NYAP1: variants seen among roughly 807,000 people sequenced by gnomAD.
The protein encoded by NYAP1 is neuronal tyrosine-phosphorylated phosphoinositide-3-kinase adapter 1.
In NYAP1, 20 loss-of-function variants were observed where a neutral mutation model predicts 58.6. The observed-to-expected ratio is 0.34, with a 90% confidence interval of 0.24 to 0.50. The LOEUF (loss-of-function observed/expected upper bound fraction) is 0.50. Ranked by LOEUF, NYAP1 falls within the 20% of genes least tolerant of loss-of-function variation. NYAP1 has a pLI of 0.98. For synonymous variants in NYAP1, 572 were observed against 523.1 expected (o/e 1.09, Z -1.27); for missense variants, 1,150 against 1,194.5 (o/e 0.96, Z 0.55).
At position 100,488,707 on chromosome 7, in the gene NYAP1, A is replaced by C. The variant is rs1584359458; in HGVS notation, c.986A>C (p.Asn329Thr). The change falls in exon 4 of 7, where the codon AAC becomes ACC. Residue 329 changes from asparagine to threonine, a missense_variant. By Grantham distance (65) the Asn-to-Thr change is moderately conservative. Transcript: ENST00000300179. The surrounding 1 kb of genome is among the most constrained non-coding windows in gnomAD (Gnocchi z 5.9). ...TGTGAAATCCCCCCGCCCTTCCCCA[A>C]CCTCCTTCAGCACCGGCCTCCACTC... is the stretch of plus-strand genomic sequence containing the variant. ...TPCEIPPPFP[N>T]LLQHRPPLLA... 5 of 1,601,566 alleles carry C rather than the reference A, an allele frequency of 3.1e-6. No homozygotes were observed. The highest frequency in any genetic ancestry group is 4.3e-6 in the Non-Finnish European group (5 of 1,175,750).
chr7:100,489,590 C>T lies in NYAP1; in HGVS notation c.1869C>T (p.Gly623=), dbSNP rs200996638. ...GTPEEEEEEV[G]AATFGAGWAL... ...CAGAGGAGGAAGAAGAGGAGGTGGG[C>T]GCCGCGACATTTGGGGCAGGCTGGG... Residue 623 remains glycine (G), a synonymous_variant, in exon 4 of 7, where the codon GGC becomes GGT. Coordinates refer to ENST00000300179, the MANE Select transcript of NYAP1 (RefSeq NM_173564.4). The T allele has an allele frequency of 1.8e-4, 283 of 1,612,554 alleles. 2 individuals are homozygous for T. The East Asian group carries it at 5.8e-3, about 33-fold the overall frequency.
intron 6 of NYAP1, among the ~76,000 whole-genome samples, chr7:100,492,254 G>C (rs1278749246): frequency 6.6e-6 from 1 of 151,558 alleles, no homozygotes; most frequent in Non-Finnish European, 1.5e-5. Flanking sequence ...AAAAAAAAGG[G>C]GCCAGGCAGA....
chr7:100,484,271 G>C (rs1231716346), intron 1 of NYAP1, among the ~76,000 whole-genome samples: 2 of 152,102 alleles, frequency 1.3e-5, no homozygotes, highest in Non-Finnish European at 2.9e-5. Context: ...TGTGGGTTTG[G>C]GGGAAGGAAA....
At position 100,487,190 on chromosome 7, in the gene NYAP1, A is replaced by G; in HGVS notation, c.430+8A>G. 4 of 1,475,410 alleles carry G rather than the reference A, an allele frequency of 2.7e-6. No individual in the cohort carries two copies. The highest frequency in any genetic ancestry group is 3.6e-6 in the Non-Finnish European group (4 of 1,114,124). The allele number at this position is 1,475,410 out of a possible 1,614,324, so 91.4% of individuals were successfully genotyped here. ...CCCCCAGCAAGAAAGCAGGTGAGAT[A>G]CCCCCTATCTCTCCCTGGGGTGGAG... On this transcript the variant is annotated splice_region_variant and intron_variant, in intron 3 of 6. Transcript: ENST00000300179. The surrounding 1 kb of genome is among the most constrained non-coding windows in gnomAD (Gnocchi z 4.1).
chr7:100,489,936 G>A (rs1799772211), intron 4 of NYAP1, among the ~76,000 whole-genome samples: 1 of 152,042 alleles, frequency 6.6e-6, no homozygotes, highest in African/African-American at 2.4e-5. Context: ...TCCCTTCCCG[G>A]GGCTGCAGGG....
At position 100,488,117 on chromosome 7, in the gene NYAP1, G is replaced by A; in HGVS notation, c.431-35G>A. ...CTCCCACTTGCTCCCCTCATTAAAA[G>A]CCTGGTTTATTTTTCTCTTTCTTGT... On this transcript the variant is annotated intron_variant, in intron 3 of 6. Coordinates refer to ENST00000300179, the MANE Select transcript of NYAP1 (RefSeq NM_173564.4). This position sits in a 1 kb window ranked among gnomAD's most constrained non-coding sequence, Gnocchi z 5.9. 1 of 1,506,632 alleles carries A rather than the reference G, an allele frequency of 6.6e-7. No individual in the cohort carries two copies. Among genetic ancestry groups the A allele is most frequent in the Non-Finnish European group, 8.9e-7 (1 of 1,121,750 alleles). 93.3% of individuals were successfully genotyped at this position (1,506,632 alleles called of 1,614,324 possible).
chr7:100,489,772 G>A, intron 4 of NYAP1, 106 bp downstream of exon 4: 1 of 937,614 alleles, frequency 1.1e-6, no homozygotes, highest in Non-Finnish European at 1.5e-6. Flanking sequence ...GGAAGTCACA[G>A]CCTTGAGTCT....
At chr7:100,484,699 C>G (rs566396464) in intron 1 of NYAP1, among the ~76,000 whole-genome samples, 1 of 152,050 alleles carries the variant, frequency 6.6e-6, no homozygotes, top group East Asian at 1.9e-4. Flanking sequence ...GTGCAATGTA[C>G]GCAAGTAGGC....
rs143758472 is a variant in NYAP1, at chr7:100,488,287, G to A, written c.566G>A (p.Gly189Glu). ...CCCCCAGGCCCCTCTCCTCGAGGGG[G>A]GAACCTGCCTCTTCAGCGCCTCACT... The part of the protein sequence containing the change: ...SCPPGPSPRG[G>E]NLPLQRLTRG... The change falls in exon 4 of 7, where the codon GGG becomes GAG. Residue 189 changes from glycine to glutamate, a missense_variant. Coordinates refer to ENST00000300179, the MANE Select transcript of NYAP1 (RefSeq NM_173564.4). The surrounding 1 kb of genome is among the most constrained non-coding windows in gnomAD (Gnocchi z 5.9). The A allele has an allele frequency of 6.2e-7, 1 of 1,613,732 alleles. No homozygotes were observed. Among genetic ancestry groups the A allele is most frequent in the Middle Eastern group, 1.7e-4 (1 of 6,052 alleles).
chr7:100,485,214 A>ACCCCC lies in NYAP1; in HGVS notation c.-84-10_-84-9insCCCCC. 2.3e-6 allele frequency: 1 copy of ACCCCC among 441,416 alleles called. No individual in the cohort carries two copies. The highest frequency in any genetic ancestry group is 4.4e-5 in the Admixed American group (1 of 22,942). 27.3% of individuals were successfully genotyped at this position (441,416 alleles called of 1,614,324 possible). On this transcript the variant is annotated splice_polypyrimidine_tract_variant and intron_variant, in intron 1 of 6. Coordinates refer to ENST00000300179, the MANE Select transcript of NYAP1 (RefSeq NM_173564.4). This position sits in a 1 kb window ranked among gnomAD's most constrained non-coding sequence, Gnocchi z 5.7. ...CTTTCTTTTTTTTCCGTTCTCACCC[A>ACCCCC]CCCCGCCCGCCAGTGGATCCGGGAC...
chr7:100,488,964 T>G lies in NYAP1; in HGVS notation c.1243T>G (p.Ser415Ala), dbSNP rs1171198618. 1 of 1,575,452 alleles carries G rather than the reference T, an allele frequency of 6.3e-7. No homozygotes were observed. The highest frequency in any genetic ancestry group is 8.6e-7 in the Non-Finnish European group (1 of 1,167,994). The change falls in exon 4 of 7, where the codon TCT (serine) becomes GCT (alanine). Residue 415 changes from serine (S) to alanine (A), a missense_variant. Coordinates refer to ENST00000300179, the MANE Select transcript of NYAP1 (RefSeq NM_173564.4). This position sits in a 1 kb window ranked among gnomAD's most constrained non-coding sequence, Gnocchi z 5.9. ...SHSTPLPPQGSGQPRGERELP... is the reference protein window; with the variant it reads ...SHSTPLPPQGAGQPRGERELP... ...CTCGACACCGTTGCCACCCCAGGGC[T>G]CTGGCCAGCCCCGGGGGGAGCGGGA... is the stretch of plus-strand genomic sequence containing the variant.
At position 100,488,696 on chromosome 7, in the gene NYAP1, G is replaced by A. The variant is rs771611386; in HGVS notation, c.975G>A (p.Pro325=). Residue 325 remains proline, a synonymous_variant, in exon 4 of 7, where the codon CCG becomes CCA. Transcript: ENST00000300179. This position sits in a 1 kb window ranked among gnomAD's most constrained non-coding sequence, Gnocchi z 5.9. Reference sequence around the variant, plus strand: ...AGACCACTCCTTGTGAAATCCCCCCGCCCTTCCCCAACCTCCTTCAGCACC... The same window carrying A: ...AGACCACTCCTTGTGAAATCCCCCCACCCTTCCCCAACCTCCTTCAGCACC... ...PTKTTPCEIP[P]PFPNLLQHRP... 1.3e-5 allele frequency: 21 copies of A among 1,603,974 alleles called. No individual in the cohort carries two copies. The highest frequency in any genetic ancestry group is 7.7e-5 in the South Asian group (7 of 90,744).
rs769423238 is a variant in NYAP1, at chr7:100,489,429, G to C, written c.1708G>C (p.Gly570Arg). 3 of 1,611,874 alleles carry C rather than the reference G, an allele frequency of 1.9e-6. No individual in the cohort carries two copies. Among genetic ancestry groups the C allele is most frequent in the East Asian group, 2.2e-5 (1 of 44,852 alleles). The change falls in exon 4 of 7, where the codon GGG becomes CGG. Residue 570 changes from glycine to arginine, a missense_variant. Coordinates refer to ENST00000300179, the MANE Select transcript of NYAP1 (RefSeq NM_173564.4). ...CCCTGCCTATGAGAGCCTCAAGGCT[G>C]GGGGGGTGCTGAATAAGGGCTGTGG... ...RPPAYESLKA[G>R]GVLNKGCGVG...
rs993632742 is a variant in NYAP1 at position 100,489,307 on chromosome 7, G to T, written c.1586G>T (p.Gly529Val). 1 of 1,601,814 alleles carries T rather than the reference G, an allele frequency of 6.2e-7. No individual in the cohort carries two copies. Among genetic ancestry groups the T allele is most frequent in the Admixed American group, 1.7e-5 (1 of 58,500 alleles). ...GAAAGVLHHR[G>V]CLASPHSLPD... ...GCAGCTGGGGTCCTCCACCACCGCG[G>T]CTGCCTGGCCTCCCCCCACAGCCTT... Residue 529 changes from glycine to valine, a missense_variant, in exon 4 of 7, where the codon GGC becomes GTC. Physicochemically the swap from Gly to Val is moderately radical, Grantham distance 109. Coordinates refer to ENST00000300179, the MANE Select transcript of NYAP1 (RefSeq NM_173564.4).
chr7:100,488,215 G>A lies in NYAP1; in HGVS notation c.494G>A (p.Arg165Lys), dbSNP rs757054581. 1 of 1,613,320 alleles carries A rather than the reference G, an allele frequency of 6.2e-7. No homozygotes were observed. The highest frequency in any genetic ancestry group is 8.5e-7 in the Non-Finnish European group (1 of 1,179,732). ...CGGAAGGTTCCTCCGCAGAAGCCCA[G>A]GCGAAGCCCTAACACCCAGCTCTCT... ...SSRKVPPQKP[R>K]RSPNTQLSVS... The change falls in exon 4 of 7, where the codon AGG becomes AAG. Residue 165 changes from arginine (R) to lysine (K), a missense_variant. Coordinates refer to ENST00000300179, the MANE Select transcript of NYAP1 (RefSeq NM_173564.4). The surrounding 1 kb of genome is among the most constrained non-coding windows in gnomAD (Gnocchi z 5.9).
rs963940781 is a variant in NYAP1, at chr7:100,486,276, A to C, written c.69-545A>C. The stretch of plus-strand genomic sequence containing the variant: ...GGGGGTGAGCCGGGGAGGCTGACAG[A>C]GAGAGAACAGCACCAGGGGAGAGGG... On this transcript the variant is annotated intron_variant, in intron 2 of 6. Coordinates refer to ENST00000300179, the MANE Select transcript of NYAP1 (RefSeq NM_173564.4). The surrounding 1 kb of genome is among the most constrained non-coding windows in gnomAD (Gnocchi z 6.2). Among the ~76,000 whole-genome samples, 1 of 151,758 alleles carries C rather than the reference A, an allele frequency of 6.6e-6. No individual in the cohort carries two copies. The highest frequency in any genetic ancestry group is 1.5e-5 in the Non-Finnish European group (1 of 67,978).
intron 6 of NYAP1, among the ~76,000 whole-genome samples, chr7:100,492,674 G>A (rs1799811689): frequency 6.6e-6 from 1 of 152,084 alleles, no homozygotes; most frequent in Non-Finnish European, 1.5e-5. Flanking sequence ...CGAGCCAAGA[G>A]AAGTGGTTGA....
At position 100,488,156 on chromosome 7, in the gene NYAP1, A is replaced by C. The variant is rs765841984; in HGVS notation, c.435A>C (p.Ser145=). The part of the protein sequence containing the change: ...AETPPSKKAG[S]QKPTPEGRES... Reference sequence around the variant, plus strand: ...TCTCTTTCTTGTCCTGTCCAGGCTCACAGAAGCCAACCCCAGAGGGCCGAG... The same window carrying C: ...TCTCTTTCTTGTCCTGTCCAGGCTCCCAGAAGCCAACCCCAGAGGGCCGAG... The change falls in exon 4 of 7, where the codon TCA becomes TCC. Residue 145 remains serine (S), a synonymous_variant. Transcript: ENST00000300179. The surrounding 1 kb of genome is among the most constrained non-coding windows in gnomAD (Gnocchi z 5.9). 1.1e-5 allele frequency: 17 copies of C among 1,586,766 alleles called. No homozygotes were observed. Among genetic ancestry groups the C allele is most frequent in the Non-Finnish European group, 1.5e-5 (17 of 1,169,716 alleles).
At position 100,490,931 on chromosome 7, in the gene NYAP1, A is replaced by G; in HGVS notation, c.2159-55A>G. 7 of 1,223,164 alleles carry G rather than the reference A, an allele frequency of 5.7e-6. No homozygotes were observed. In the South Asian group the frequency reaches 8.3e-5, roughly 14 times the overall value. 75.8% of individuals were successfully genotyped at this position (1,223,164 alleles called of 1,614,324 possible). On this transcript the variant is annotated intron_variant, in intron 5 of 6. Transcript: ENST00000300179. The surrounding 1 kb of genome is among the most constrained non-coding windows in gnomAD (Gnocchi z 4.6). ...ATTCAAGGGCAGGGGACTGGGAACT[A>G]GGGGAGGGGTACCTGAGGCCCCTGC...
Sources: allele counts gnomAD v4.1 joint callset (sites outside exome capture counted in the v4.1 genomes callset), GRCh38; gene constraint gnomAD v4.1.1; non-coding constraint Gnocchi (gnomAD v3.1); transcripts MANE v1.5; gene names NCBI Gene and HGNC (gene_info 2026-07-23, HGNC 2026-07-21).